The following SMCHD1 variants were observed in gnomAD, a reference collection of about 807,000 sequenced individuals.
The protein encoded by SMCHD1 is structural maintenance of chromosomes flexible hinge domain containing 1.
In SMCHD1, 78 loss-of-function variants were observed where a neutral mutation model predicts 254.7. The observed-to-expected ratio is 0.31, with a 90% CI of 0.26 to 0.37. The LOEUF (loss-of-function observed/expected upper bound fraction) is 0.37, where lower values mean the gene tolerates loss of function less well. Ranked by LOEUF, SMCHD1 falls within the 10% of genes least tolerant of loss-of-function variation. The pLI is 1.00. For synonymous variants in SMCHD1, 766 were observed against 794.9 expected, an observed-to-expected ratio of 0.96 and a Z score of 0.61; for missense variants, 1,840 against 2,408.1, an observed-to-expected ratio of 0.76 and a Z score of 4.94.
Position 2,724,912 on chromosome 18 carries a change from C to T in SMCHD1, c.2617C>T (p.His873Tyr). The T allele has an allele frequency of 6.3e-7, 1 of 1,577,608 alleles. No homozygotes were observed. The highest frequency in any genetic ancestry group is 2.3e-5 in the East Asian group (1 of 44,166). ...TTTTTTCCCCAGTGGTTTATCTTTA[C>T]ATTATGAAGAAATAACCAAAGGACC... Reference protein sequence around the residue: ...PVLEASGLSLHYEEITKGPNC... With the variant: ...PVLEASGLSLYYEEITKGPNC... The change falls in exon 21 of 48, where the codon CAT (histidine) becomes TAT (tyrosine). Residue 873 changes from histidine (H) to tyrosine (Y), a missense_variant. Around this residue, in one of 9 missense-constraint regions of SMCHD1, gnomAD observed 881 missense variants for 1,009.5 expected, o/e 0.87. Coordinates refer to ENST00000320876, the MANE Select transcript of SMCHD1 (RefSeq NM_015295.3).
Position 2,760,718 on chromosome 18 carries a change from A to T in SMCHD1, c.4413A>T (p.Thr1471=). 6.2e-7 allele frequency: 1 copy of T among 1,601,452 alleles called. No homozygotes were observed. Among genetic ancestry groups the T allele is most frequent in the Non-Finnish European group, 8.6e-7 (1 of 1,169,028 alleles). The change falls in exon 35 of 48, where the codon ACA becomes ACT. Residue 1471 remains threonine (T), a synonymous_variant. Transcript: ENST00000320876. ...CIQFGFMMDK[T]NILNSEQVIV... is the part of the protein sequence containing the mutation. The stretch of plus-strand genomic sequence containing the variant: ...AGTTTGGTTTTATGATGGATAAAAC[A>T]AATATTCTCAACAGTGAACAGGTTT...
Position 2,678,163 on chromosome 18 carries a change from CAGAT to C in SMCHD1, c.638+4022_638+4025del, listed in dbSNP as rs2073800080. Among the ~76,000 whole-genome samples the C allele has an allele frequency of 2.0e-5, 3 of 152,288 alleles. No homozygotes were observed. In the South Asian group the frequency reaches 6.2e-4, roughly 32 times the overall value. On this transcript the variant is annotated intron_variant, in intron 5 of 47. Transcript: ENST00000320876. ...CATTTTATGCCTTGATCTTTTGAAT[CAGAT>C]AGAAGATTTACAAAGAATGCATTTA...
At position 2,773,176 on chromosome 18, in the gene SMCHD1, C is replaced by T. The variant is rs1194862377; in HGVS notation, c.5175+804C>T. Among the ~76,000 whole-genome samples the T allele has an allele frequency of 2.0e-5, 3 of 152,074 alleles. No homozygotes were observed. In the East Asian group the frequency reaches 5.8e-4, roughly 29 times the overall value. The stretch of plus-strand genomic sequence containing the variant: ...AACCGTGTTACGTTATTACCCAAAC[C>T]TCAGATCCGCAAACTGAAAAATTGA... On this transcript the variant is annotated intron_variant, in intron 41 of 47. Transcript: ENST00000320876.
chr18:2,724,639 T>C (rs952950821), intron 20 of SMCHD1, among the ~76,000 whole-genome samples: 12 of 152,298 alleles, frequency 7.9e-5, no homozygotes, highest in African/African-American at 2.9e-4. Context: ...ACTAATTCAA[T>C]ATGTGCTATT....
intron 44 of SMCHD1, 90 bp downstream of exon 44, chr18:2,778,329 T>C: frequency 1.1e-6 from 1 of 874,272 alleles, no homozygotes. Flanking sequence ...CGACTAGCCT[T>C]TTCAAAACCA....
chr18:2,765,996 G>GTTTTTTTTTTTTTTTTTTT (rs1555650872), intron 37 of SMCHD1, among the ~76,000 whole-genome samples: 4 of 140,758 alleles, frequency 2.8e-5, no homozygotes, highest in Admixed American at 1.4e-4. Flanking sequence ...GCTATGTCCA[G>GTTTTTTTTTTTTTTTTTTT]TTTTCTTTTT....
chr18:2,804,922 T>C lies in SMCHD1; in HGVS notation c.*2370T>C, dbSNP rs1170438716. ...TTGTCACAATGTTACAATCAGGAAG[T>C]TTTTTTTCTGGTTTCTTCTTCCAAA... On this transcript the variant is annotated 3_prime_UTR_variant, in exon 48 of 48. Coordinates refer to ENST00000320876, the MANE Select transcript of SMCHD1 (RefSeq NM_015295.3). The C allele has an allele frequency of 6.6e-6, 1 of 152,058 alleles. No homozygotes were observed. The highest frequency in any genetic ancestry group is 2.4e-5 in the African/African-American group (1 of 41,414). The allele number at this position is 152,058 out of a possible 1,614,324, so 9.4% of individuals were successfully genotyped here.
Position 2,694,713 on chromosome 18 carries a change from T to A in SMCHD1, c.1040+20T>A, listed in dbSNP as rs1483163798. On this transcript the variant is annotated intron_variant, in intron 8 of 47. Coordinates refer to ENST00000320876, the MANE Select transcript of SMCHD1 (RefSeq NM_015295.3). ...GTTAGCGTAAGTAATTATATTTGGC[T>A]TAGGAAATGTTGCTACTTAACTTTT... 2 of 1,600,954 alleles carry A rather than the reference T, an allele frequency of 1.2e-6. No homozygotes were observed. The highest frequency in any genetic ancestry group is 2.2e-5 in the South Asian group (2 of 89,234).
At chr18:2,657,128 GA>G (rs1367794207) in intron 1 of SMCHD1, among the ~76,000 whole-genome samples, 1 of 152,038 alleles carries the variant, frequency 6.6e-6, no homozygotes, top group Non-Finnish European at 1.5e-5. Context: ...GCGTCCAAGG[GA>G]AAAAAAGAAC....
At chr18:2,715,392 C>T (rs915547482) in intron 17 of SMCHD1, among the ~76,000 whole-genome samples, 3 of 152,040 alleles carry the variant, frequency 2.0e-5, no homozygotes, top group African/African-American at 7.2e-5. Flanking sequence ...CCATTGTTTG[C>T]TTTCAACCAT....
At chr18:2,708,613 C>T (rs1318356513) in intron 17 of SMCHD1, among the ~76,000 whole-genome samples, 4 of 28,238 alleles carry the variant, frequency 1.4e-4, no homozygotes, top group Non-Finnish European at 3.2e-4. Flanking sequence ...TCATGACCTT[C>T]CTGCTTTTTT....
chr18:2,753,595 A>G (rs1401871696), intron 34 of SMCHD1, among the ~76,000 whole-genome samples: 1 of 152,160 alleles, frequency 6.6e-6, no homozygotes, highest in Non-Finnish European at 1.5e-5. Flanking sequence ...CTAGAGTGCA[A>G]TGCCTAGAGT....
intron 37 of SMCHD1, among the ~76,000 whole-genome samples, chr18:2,767,012 C>G (rs2075880173): frequency 6.6e-6 from 1 of 152,176 alleles, no homozygotes; most frequent in Non-Finnish European, 1.5e-5. Flanking sequence ...ATAACCTTAA[C>G]ACTTTGGGAG....
intron 23 of SMCHD1, 132 bp from the exon 24 acceptor site, chr18:2,729,143 A>C: frequency 1.6e-6 from 1 of 626,350 alleles, no homozygotes; most frequent in East Asian, 3.3e-5. Flanking sequence ...AGTTTTAGTG[A>C]CTTTTACTTA....
intron 19 of SMCHD1, among the ~76,000 whole-genome samples, chr18:2,721,085 C>T (rs2074916449): frequency 6.6e-6 from 1 of 152,180 alleles, no homozygotes; most frequent in Non-Finnish European, 1.5e-5. Context: ...AGCCAACCTT[C>T]TTGTTTTATT....
intron 25 of SMCHD1, among the ~76,000 whole-genome samples, chr18:2,734,492 A>G (rs2075206956): frequency 6.6e-6 from 1 of 152,190 alleles, no homozygotes; most frequent in Non-Finnish European, 1.5e-5. Flanking sequence ...AGTTGAATGT[A>G]CAGCCTTTAC....
Position 2,706,387 on chromosome 18 carries a change from A to G in SMCHD1, c.1980A>G (p.Glu660=). The G allele has an allele frequency of 6.3e-7, 1 of 1,587,490 alleles. No individual in the cohort carries two copies. Among genetic ancestry groups the G allele is most frequent in the Non-Finnish European group, 8.6e-7 (1 of 1,166,050 alleles). The change falls in exon 15 of 48, where the codon GAA becomes GAG. Residue 660 remains glutamate (E), a synonymous_variant. Coordinates refer to ENST00000320876, the MANE Select transcript of SMCHD1 (RefSeq NM_015295.3). ...IAMEPQALYD[E]VRTVPIAKLD... is the part of the protein sequence containing the mutation. Reference sequence around the variant, plus strand: ...AGGAACCTCAGGCACTATATGATGAAGTAAGAACTGTGCCAATTGCAAAGC... The same window carrying G: ...AGGAACCTCAGGCACTATATGATGAGGTAAGAACTGTGCCAATTGCAAAGC...
At position 2,674,081 on chromosome 18, in the gene SMCHD1, A is replaced by C; in HGVS notation, c.574A>C (p.Lys192Gln). The C allele has an allele frequency of 1.2e-6, 2 of 1,605,182 alleles. No individual in the cohort carries two copies. Among genetic ancestry groups the C allele is most frequent in the South Asian group, 2.2e-5 (2 of 89,432 alleles). Residue 192 changes from lysine (K) to glutamine (Q), a missense_variant, in exon 5 of 48, where the codon AAA (lysine) becomes CAA (glutamine). Around this residue, in one of 9 missense-constraint regions of SMCHD1, gnomAD observed 498 missense variants for 743.5 expected, o/e 0.67. Coordinates refer to ENST00000320876, the MANE Select transcript of SMCHD1 (RefSeq NM_015295.3). ...AGATAATGGAAGAGGAATGACCTCT[A>C]AACAGCTTAACAACTGGGCCGTGTA... ...VIDNGRGMTS[K>Q]QLNNWAVYRL...
rs534500304 is a variant in SMCHD1, at chr18:2,740,132, G to A, written c.3515-571G>A. 3.3e-5 allele frequency among the ~76,000 whole-genome samples: 5 copies of A among 151,776 alleles called. No individual in the cohort carries two copies. The East Asian group carries it at 9.7e-4, about 29-fold the overall frequency. On this transcript the variant is annotated intron_variant, in intron 27 of 47. Coordinates refer to ENST00000320876, the MANE Select transcript of SMCHD1 (RefSeq NM_015295.3). The stretch of plus-strand genomic sequence containing the variant: ...TGGTGTGTAATGTTCCCCTCCCTGG[G>A]TCCATGTGTTCTCATTGTTCAACTC...
Sources: gnomAD v4.1 joint callset for allele counts (sites outside exome capture counted in the v4.1 genomes callset) on GRCh38, gnomAD v4.1.1 for gene constraint, gnomAD v4.1.1 regional missense constraint, MANE v1.5 for transcripts, NCBI Gene and HGNC (gene_info 2026-07-23, HGNC 2026-07-21) for gene names.